FHOD3: variants seen among roughly 807,000 people sequenced by gnomAD.
FHOD3 encodes FH1/FH2 domain-containing protein 3.
A neutral mutation model predicts 173.0 loss-of-function variants in FHOD3; 90 were observed. The ratio of observed to expected loss-of-function variants is 0.52; its 90% confidence interval spans 0.44 to 0.62. The LOEUF (loss-of-function observed/expected upper bound fraction) is 0.62, where lower values mean the gene tolerates loss of function less well. Ranked by LOEUF, FHOD3 falls within the 20% of genes least tolerant of loss-of-function variation. FHOD3 has a pLI of 0.00. For synonymous variants in FHOD3, 828 were observed against 823.0 expected (o/e 1.01, Z -0.10); for missense variants, 1,945 against 2,034.7 (o/e 0.96, Z 0.85).
chr18:36,764,171 T>C (rs1600623967), intron 27 of FHOD3, among the ~76,000 whole-genome samples: 1 of 152,024 alleles, frequency 6.6e-6, no homozygotes, highest in Non-Finnish European at 1.5e-5. Context: ...CAGGAAGTGA[T>C]TGGAGAGAGA....
intron 28 of FHOD3, 176 bp from the exon 29 acceptor site, chr18:36,779,272 C>A (rs2043925657): frequency 8.4e-6 from 5 of 596,686 alleles, no homozygotes; most frequent in Non-Finnish European, 1.5e-5. Context: ...TTTGTCCTGG[C>A]AGACAGACTG....
At chr18:36,394,975 C>T (rs1190086029) in intron 3 of FHOD3, among the ~76,000 whole-genome samples, 1 of 152,156 alleles carries the variant, frequency 6.6e-6, no homozygotes, top group African/African-American at 2.4e-5. Context: ...TACATAGTCT[C>T]TTCTATATTA....
At chr18:36,766,001 G>C (rs1397588958) in intron 27 of FHOD3, among the ~76,000 whole-genome samples, 11 of 151,676 alleles carry the variant, frequency 7.3e-5, no homozygotes, top group Admixed American at 7.2e-4. Flanking sequence ...AGAAGAGTAA[G>C]TACAAAGAGA....
In FHOD3 at chr18:36,408,723, T is replaced by C. The variant is rs188916821; in HGVS notation, c.337+35979T>C. 1.7e-4 allele frequency among the ~76,000 whole-genome samples: 26 copies of C among 152,120 alleles called. No homozygotes were observed. The South Asian group carries it at 1.9e-3, about 11-fold the overall frequency. The stretch of plus-strand genomic sequence containing the variant: ...CAGGAAGGAGCCAGGGGTAGAAGCA[T>C]TGGGATCTGGCCAGGGCTAAAGAGT... On this transcript the variant is annotated intron_variant, in intron 3 of 28. Coordinates refer to ENST00000590592, the MANE Select transcript of FHOD3 (RefSeq NM_001281740.3).
At chr18:36,302,459 C>G (rs2091979368) in intron 1 of FHOD3, among the ~76,000 whole-genome samples, 1 of 152,168 alleles carries the variant, frequency 6.6e-6, no homozygotes, top group Non-Finnish European at 1.5e-5. Context: ...TTTGTGCACA[C>G]TGCAGTCTGA....
chr18:36,394,727 CTA>C (rs1458382545), intron 3 of FHOD3, among the ~76,000 whole-genome samples: 1 of 152,156 alleles, frequency 6.6e-6, no homozygotes, highest in African/African-American at 2.4e-5. Context: ...CTGTAATCAA[CTA>C]TGTCTCTAGG....
At chr18:36,328,184 G>C (rs1404363730) in intron 1 of FHOD3, among the ~76,000 whole-genome samples, 1 of 152,218 alleles carries the variant, frequency 6.6e-6, no homozygotes, top group Non-Finnish European at 1.5e-5. Context: ...TATCTGGTGG[G>C]AGACAAGTGT....
At chr18:36,518,415 G>A (rs1346348721) in intron 5 of FHOD3, among the ~76,000 whole-genome samples, 1 of 152,202 alleles carries the variant, frequency 6.6e-6, no homozygotes. Flanking sequence ...TGATGTGGAT[G>A]ACCCAGGAGT....
chr18:36,779,823 CT>C lies in FHOD3; in HGVS notation c.*296del, dbSNP rs768563886. ...ACCTTTTCTGGGCAAGGAACAGCCCCTTTAAGGAGCAAATCACTTCTGTCAC... is the reference window on the plus strand; with the variant it reads ...ACCTTTTCTGGGCAAGGAACAGCCCCTTAAGGAGCAAATCACTTCTGTCAC... On this transcript the variant is annotated 3_prime_UTR_variant, in exon 29 of 29. Transcript: ENST00000590592. 1.7e-4 allele frequency: 83 copies of C among 486,682 alleles called. No individual in the cohort carries two copies. The highest frequency in any genetic ancestry group is 2.8e-4 in the Non-Finnish European group (76 of 276,352). The allele number at this position is 486,682 out of a possible 1,614,324, so 30.1% of individuals were successfully genotyped here.
chr18:36,406,086 TTTG>T, intron 3 of FHOD3, among the ~76,000 whole-genome samples: 11 of 143,508 alleles, frequency 7.7e-5, no homozygotes, highest in African/African-American at 2.6e-4. Context: ...GTTTTTTGTT[TTTG>T]TTTTTGTTTT....
At chr18:36,403,695 A>G (rs2048928606) in intron 3 of FHOD3, among the ~76,000 whole-genome samples, 1 of 152,236 alleles carries the variant, frequency 6.6e-6, no homozygotes, top group Non-Finnish European at 1.5e-5. Context: ...ATTGTTCTAG[A>G]GTCTGGCCAG....
intron 3 of FHOD3, among the ~76,000 whole-genome samples, chr18:36,408,476 T>G (rs1046773662): frequency 2.7e-5 from 4 of 150,644 alleles, no homozygotes; most frequent in Non-Finnish European, 4.4e-5. Flanking sequence ...CTGAAGGAGG[T>G]GTGAAGGGCA....
At chr18:36,755,517 A>T (rs769696755) in intron 25 of FHOD3, among the ~76,000 whole-genome samples, 2 of 149,808 alleles carry the variant, frequency 1.3e-5, no homozygotes, top group Non-Finnish European at 1.5e-5. Context: ...GAGCTAGGAG[A>T]TGTAAAGTTC....
At chr18:36,561,352 G>T (rs1187865954) in intron 5 of FHOD3, among the ~76,000 whole-genome samples, 1 of 152,082 alleles carries the variant, frequency 6.6e-6, no homozygotes, top group African/African-American at 2.4e-5. Flanking sequence ...GAGGTCTGGG[G>T]ACACTCAGCC....
intron 10 of FHOD3, among the ~76,000 whole-genome samples, chr18:36,634,466 G>T (rs2034734489): frequency 6.6e-6 from 1 of 152,148 alleles, no homozygotes; most frequent in African/African-American, 2.4e-5. Context: ...TCCTGAGTCT[G>T]CAGTAGAATA....
rs907102521 is a variant in FHOD3 at position 36,307,054 on chromosome 18, T to C, written c.165+9054T>C. On this transcript the variant is annotated intron_variant, in intron 1 of 28. Transcript: ENST00000590592. The stretch of plus-strand genomic sequence containing the variant: ...TCTCGGTTCACTGCAACCTCCACTT[T>C]CCAGGTTCAAGCAATTCCCCTGCCT... 3.3e-5 allele frequency among the ~76,000 whole-genome samples: 5 copies of C among 152,278 alleles called. No individual in the cohort carries two copies. In the East Asian group the frequency reaches 9.7e-4, roughly 29 times the overall value.
chr18:36,532,499 C>T (rs2056828269), intron 5 of FHOD3, among the ~76,000 whole-genome samples: 1 of 152,164 alleles, frequency 6.6e-6, no homozygotes, highest in Non-Finnish European at 1.5e-5. Context: ...GCTACTGGTA[C>T]TTGTGCTCAG....
chr18:36,701,087 G>T (rs2039562423), intron 17 of FHOD3, among the ~76,000 whole-genome samples: 1 of 152,216 alleles, frequency 6.6e-6, no homozygotes, highest in Admixed American at 6.5e-5. Context: ...TATTCCCAGT[G>T]CTTGGAGCAG....
intron 17 of FHOD3, among the ~76,000 whole-genome samples, chr18:36,701,559 T>G (rs1312034818): frequency 7.9e-5 from 12 of 152,156 alleles, no homozygotes; most frequent in Admixed American, 6.5e-5. Context: ...CTAACATTCA[T>G]ATTAAGTGCA....
Sources: allele counts gnomAD v4.1 joint callset (sites outside exome capture counted in the v4.1 genomes callset), GRCh38; gene constraint gnomAD v4.1.1; transcripts MANE v1.5; gene names NCBI Gene and HGNC (gene_info 2026-07-23, HGNC 2026-07-21).